Variants in GRHL1 observed in about 807,000 individuals in gnomAD.
The protein encoded by GRHL1 is grainyhead like transcription factor 1, also known as grainyhead-like protein 1 homolog.
In GRHL1, 38 loss-of-function variants were observed where a neutral mutation model predicts 75.7. That is an observed-to-expected ratio of 0.50 (90% CI 0.39 to 0.66). The LOEUF is 0.66. Among genes scored for constraint, GRHL1 ranks in the 30% least tolerant of loss-of-function variants. The pLI is 0.00. For missense variants in GRHL1, 589 were observed against 767.5 expected (o/e 0.77, Z 2.75); for synonymous variants, 266 against 279.4 (o/e 0.95, Z 0.48).
chr2:9,993,250 A>G lies in GRHL1; in HGVS notation c.1499+6A>G. 1.9e-6 allele frequency: 3 copies of G among 1,607,810 alleles called. No individual in the cohort carries two copies. Among genetic ancestry groups the G allele is most frequent in the Non-Finnish European group, 2.6e-6 (3 of 1,174,296 alleles). The stretch of plus-strand genomic sequence containing the variant: ...GAAGAATTGGAGGGTGAAGGGTAAG[A>G]TTTATGTTTTGTTTTGTTTTGTTTT... On this transcript the variant is annotated splice_donor_region_variant and intron_variant, in intron 12 of 15. Transcript: ENST00000324907.
intron 8 of GRHL1, among the ~76,000 whole-genome samples, chr2:9,971,166 T>G (rs1300722127): frequency 6.6e-6 from 1 of 152,216 alleles, no homozygotes; most frequent in Admixed American, 6.5e-5. Flanking sequence ...AATTTTCAGT[T>G]TGTTTGGACT....
Position 9,962,442 on chromosome 2 carries a change from A to G in GRHL1, c.670-13A>G. 1 of 1,503,536 alleles carries G rather than the reference A, an allele frequency of 6.7e-7. No individual in the cohort carries two copies. The highest frequency in any genetic ancestry group is 9.3e-7 in the Non-Finnish European group (1 of 1,079,070). 93.1% of individuals were successfully genotyped at this position (1,503,536 alleles called of 1,614,324 possible). A position where few individuals can be genotyped will look rare whatever the true frequency, so the allele number is the denominator to read the frequency against. On this transcript the variant is annotated splice_polypyrimidine_tract_variant and intron_variant, in intron 4 of 15. Coordinates refer to ENST00000324907, the MANE Select transcript of GRHL1 (RefSeq NM_198182.3). ...CAGTTAAATAGTTGTGGCTTATCAC[A>G]TTGATATTTCAGGTTTTCTTCCCCT...
chr2:9,999,332 G>C (rs1048797149), intron 15 of GRHL1, among the ~76,000 whole-genome samples: 3 of 152,242 alleles, frequency 2.0e-5, no homozygotes, highest in Admixed American at 6.5e-5. Flanking sequence ...GTTTCTCCAA[G>C]TCACCTTCTT....
chr2:9,963,772 TTTG>T (rs1441804395), intron 5 of GRHL1, 111 bp from the exon 6 acceptor site: 4 of 707,026 alleles, frequency 5.7e-6, no homozygotes, highest in East Asian at 2.9e-5. Flanking sequence ...GCTGAGTACT[TTTG>T]TTTCAGATTT....
At chr2:9,957,049 G>C (rs1299288174) in intron 2 of GRHL1, among the ~76,000 whole-genome samples, 2 of 148,930 alleles carry the variant, frequency 1.3e-5, no homozygotes, top group African/African-American at 5.0e-5. Context: ...TGCCCACGCT[G>C]AAGTGTGGTG....
intron 14 of GRHL1, among the ~76,000 whole-genome samples, chr2:9,997,825 AAAAAAACAAC>A (rs1668938374): frequency 1.3e-5 from 2 of 152,172 alleles, no homozygotes; most frequent in Middle Eastern, 6.8e-3. Flanking sequence ...TCTCAAAAAA[AAAAAAACAAC>A]AAAAAACAAA....
At chr2:9,973,322 G>A (rs12386187) in intron 8 of GRHL1, among the ~76,000 whole-genome samples, 4,470 of 152,186 alleles carry the variant, frequency 0.029, 231 homozygotes, top group African/African-American at 0.1. Flanking sequence ...TGGGCCTCAC[G>A]AATTAATGGA....
In GRHL1 at chr2:9,961,355, C is replaced by T. The variant is rs113787491; in HGVS notation, c.588C>T (p.Ser196=). The T allele has an allele frequency of 6.2e-7, 1 of 1,613,940 alleles. No individual in the cohort carries two copies. The highest frequency in any genetic ancestry group is 8.5e-7 in the Non-Finnish European group (1 of 1,179,900). The stretch of plus-strand genomic sequence containing the variant: ...GGAATCTCAATACTGACCAGTTCAG[C>T]TCTGGTGCTCAAGCCCCAAATGCTC... ...FDRNLNTDQF[S]SGAQAPNAQR... Residue 196 remains serine (S), a synonymous_variant, in exon 4 of 16, where the codon AGC becomes AGT. Transcript: ENST00000324907.
chr2:9,979,708 A>G lies in GRHL1; in HGVS notation c.1111-6416A>G, dbSNP rs189669270. On this transcript the variant is annotated intron_variant, in intron 8 of 15. Coordinates refer to ENST00000324907, the MANE Select transcript of GRHL1 (RefSeq NM_198182.3). ...ATTATTTTCTTATAGGTGAATGATA[A>G]TACAGAATGAGTATTACTGTCATTG... Among the ~76,000 whole-genome samples, 6 of 152,368 alleles carry G rather than the reference A, an allele frequency of 3.9e-5. No individual in the cohort carries two copies. In the East Asian group the frequency reaches 1.2e-3, roughly 29 times the overall value.
chr2:9,994,844 C>G (rs958465391), intron 12 of GRHL1, among the ~76,000 whole-genome samples: 1 of 152,188 alleles, frequency 6.6e-6, no homozygotes, highest in Non-Finnish European at 1.5e-5. Context: ...CTGAGTTTTT[C>G]TCTCCTCAGA....
chr2:9,962,586 T>G, intron 5 of GRHL1, 55 bp downstream of exon 5: 3 of 973,568 alleles, frequency 3.1e-6, no homozygotes, highest in Non-Finnish European at 5.0e-6. Flanking sequence ...AACTTATTCC[T>G]TTCTTGTTAA....
In GRHL1 at chr2:9,969,560, A is replaced by G. The variant is rs897481875; in HGVS notation, c.1110+4179A>G. 4.6e-5 allele frequency among the ~76,000 whole-genome samples: 7 copies of G among 152,252 alleles called. No individual in the cohort carries two copies. The East Asian group carries it at 1.3e-3, about 29-fold the overall frequency. On this transcript the variant is annotated intron_variant, in intron 8 of 15. Coordinates refer to ENST00000324907, the MANE Select transcript of GRHL1 (RefSeq NM_198182.3). Reference sequence around the variant, plus strand: ...AGTAAGAAATAATTTATGTTGGATTATATTATAACGTTTGAGTTGGATGAG... The same window carrying G: ...AGTAAGAAATAATTTATGTTGGATTGTATTATAACGTTTGAGTTGGATGAG...
chr2:9,955,184 A>G (rs907606313), intron 2 of GRHL1, 83 bp downstream of exon 2: 201 of 887,958 alleles, frequency 2.3e-4, no homozygotes, highest in Middle Eastern at 2.9e-4. Flanking sequence ...ATTTGCTGGT[A>G]GAATGCCATG....
At chr2:9,954,862 T>C in intron 1 of GRHL1, 53 bp from the exon 2 acceptor site, 1 of 1,375,110 alleles carries the variant, frequency 7.3e-7, no homozygotes, top group Non-Finnish European at 1.0e-6. Context: ...TAGCTTATGA[T>C]ACCTTGCAGT....
chr2:9,987,716 C>G lies in GRHL1; in HGVS notation c.1269+1434C>G, dbSNP rs1045551652. 6.6e-6 allele frequency among the ~76,000 whole-genome samples: 1 copy of G among 152,134 alleles called. No homozygotes were observed. The highest frequency in any genetic ancestry group is 1.5e-5 in the Non-Finnish European group (1 of 68,030). ...GCCCAGTGCAGAGCCAGGGGCTGAG[C>G]TGGATTCAATGCAGGGAGAGTCTGG... On this transcript the variant is annotated intron_variant, in intron 9 of 15. Transcript: ENST00000324907. This position sits in a 1 kb window ranked among gnomAD's most constrained non-coding sequence, Gnocchi z 4.2.
At chr2:9,957,803 C>T (rs978313078) in intron 2 of GRHL1, among the ~76,000 whole-genome samples, 1 of 152,236 alleles carries the variant, frequency 6.6e-6, no homozygotes, top group Non-Finnish European at 1.5e-5. Flanking sequence ...TTTTGGAGTG[C>T]GCAATGGGGT....
chr2:9,956,683 G>T (rs1187214175), intron 2 of GRHL1, among the ~76,000 whole-genome samples: 2 of 152,156 alleles, frequency 1.3e-5, no homozygotes, highest in African/African-American at 4.8e-5. Flanking sequence ...GGGAAACATA[G>T]CCATGAAGAG....
chr2:9,961,492 T>C (rs1667272148), intron 4 of GRHL1, 56 bp downstream of exon 4: 6 of 1,451,758 alleles, frequency 4.1e-6, no homozygotes, highest in Non-Finnish European at 5.6e-6. Context: ...AAGTATTGGG[T>C]TCCACCTTTT....
At chr2:9,982,438 C>A (rs1276438243) in intron 8 of GRHL1, among the ~76,000 whole-genome samples, 2 of 152,190 alleles carry the variant, frequency 1.3e-5, no homozygotes, top group Non-Finnish European at 2.9e-5. Context: ...CATTCCAGGA[C>A]AATGAAATCA....
Sources: allele counts gnomAD v4.1 joint callset (sites outside exome capture counted in the v4.1 genomes callset), GRCh38; gene constraint gnomAD v4.1.1; non-coding constraint Gnocchi (gnomAD v3.1); transcripts MANE v1.5; gene names NCBI Gene and HGNC (gene_info 2026-07-23, HGNC 2026-07-21).